The following HTR1E variants were observed in gnomAD, a reference collection of about 807,000 sequenced individuals.
HTR1E encodes the protein 5-HT-1E.
Under a neutral mutation model 3.4 loss-of-function variants are expected in HTR1E, and 3 were observed. That is an observed-to-expected ratio of 0.89 (90% CI 0.41 to 2.31). The LOEUF (loss-of-function observed/expected upper bound fraction) is 2.31. Ranked by LOEUF, HTR1E falls within the 30% of genes most tolerant of loss-of-function variation. HTR1E has a pLI of 0.05. For synonymous variants in HTR1E, 170 were observed against 182.8 expected (o/e 0.93, Z 0.56); for missense variants, 392 against 467.0 (o/e 0.84, Z 1.48).
intron 1 of HTR1E, among the ~76,000 whole-genome samples, chr6:86,974,628 T>C (rs900867864): frequency 1.3e-5 from 2 of 152,218 alleles, no homozygotes; most frequent in Non-Finnish European, 2.9e-5. Flanking sequence ...TTATGCTCAC[T>C]TTGATTGCTT....
At chr6:86,972,949 A>G (rs1767580618) in intron 1 of HTR1E, among the ~76,000 whole-genome samples, 1 of 152,228 alleles carries the variant, frequency 6.6e-6, no homozygotes. Context: ...TTAGGTAAAC[A>G]GCCCTCTTTA....
intron 1 of HTR1E, among the ~76,000 whole-genome samples, chr6:86,958,314 T>C (rs985902542): frequency 2.0e-5 from 3 of 152,118 alleles, no homozygotes; most frequent in Admixed American, 6.5e-5. Flanking sequence ...CACCTTGGCC[T>C]CAATAGAGGC....
rs545460430 is a variant in HTR1E, at chr6:87,016,088, C to G, written c.754C>G (p.Pro252Ala). ...TGTGTCTGACTTCTCCACCTCAGACCCTACCACAGAGTTTGAAAAGTTCCA... is the reference window on the plus strand; with the variant it reads ...TGTGTCTGACTTCTCCACCTCAGACGCTACCACAGAGTTTGAAAAGTTCCA... ...FCVSDFSTSD[P>A]TTEFEKFHAS... Residue 252 changes from proline (P) to alanine (A), a missense_variant, in exon 2 of 2, where the codon CCT becomes GCT. Physicochemically the swap from Pro to Ala is conservative, Grantham distance 27 (BLOSUM62 -1). Transcript: ENST00000305344. The G allele has an allele frequency of 1.5e-5, 25 of 1,613,988 alleles. No individual in the cohort carries two copies. Among genetic ancestry groups the G allele is most frequent in the African/African-American group, 2.7e-5 (2 of 74,904 alleles).
At chr6:87,012,656 A>C (rs1406726123) in intron 1 of HTR1E, among the ~76,000 whole-genome samples, 1 of 152,232 alleles carries the variant, frequency 6.6e-6, no homozygotes, top group Non-Finnish European at 1.5e-5. Context: ...TCCATTACCC[A>C]ATGCAAAAAT....
chr6:86,939,561 T>C (rs1238866137), intron 1 of HTR1E, among the ~76,000 whole-genome samples: 1 of 152,242 alleles, frequency 6.6e-6, no homozygotes, highest in East Asian at 1.9e-4. Flanking sequence ...GCCATGACTC[T>C]GGTCATTAGG....
intron 1 of HTR1E, among the ~76,000 whole-genome samples, chr6:86,976,378 TA>T (rs1273185713): frequency 3.3e-5 from 5 of 152,202 alleles, no homozygotes; most frequent in Admixed American, 6.5e-5. Context: ...AAAGCAGTGC[TA>T]CTGTCAAAAT....
intron 1 of HTR1E, among the ~76,000 whole-genome samples, chr6:87,001,265 G>A (rs371400371): frequency 2.6e-5 from 4 of 152,230 alleles, no homozygotes; most frequent in African/African-American, 9.6e-5. Flanking sequence ...AGACCAGAAA[G>A]CAACCCAAAA....
chr6:87,010,262 C>T lies in HTR1E; in HGVS notation c.-185-4888C>T, dbSNP rs1210762561. On this transcript the variant is annotated intron_variant, in intron 1 of 1. Transcript: ENST00000305344. ...CTCCTCACTTCTCAGTAGGGGCGGCCGGGCAGAGGTGCCCCTCACCTCCCG... is the reference window on the plus strand; with the variant it reads ...CTCCTCACTTCTCAGTAGGGGCGGCTGGGCAGAGGTGCCCCTCACCTCCCG... Among the ~76,000 whole-genome samples, 17 of 111,050 alleles carry T rather than the reference C, an allele frequency of 1.5e-4. 1 individual carries two copies. Among genetic ancestry groups the T allele is most frequent in the East Asian group, 3.5e-4 (1 of 2,818 alleles). 72.9% of individuals were successfully genotyped at this position (111,050 alleles called of 152,430 possible). A position where few individuals can be genotyped will look rare whatever the true frequency, so the allele number is the denominator to read the frequency against.
intron 1 of HTR1E, among the ~76,000 whole-genome samples, chr6:86,975,620 G>T (rs1434816909): frequency 6.6e-6 from 1 of 151,678 alleles, no homozygotes; most frequent in Non-Finnish European, 1.5e-5. Context: ...ACTCTACCAG[G>T]ATGCCCGTAC....
intron 1 of HTR1E, chr6:86,971,008 G>A: frequency 2.2e-6 from 1 of 452,612 alleles, no homozygotes; most frequent in Middle Eastern, 3.8e-4. Context: ...CATCTGCTTG[G>A]AGGATCTGAT....
intron 1 of HTR1E, among the ~76,000 whole-genome samples, chr6:86,951,780 A>G (rs575897179): frequency 2.0e-5 from 3 of 152,206 alleles, no homozygotes; most frequent in Non-Finnish European, 4.4e-5. Flanking sequence ...AAGCAGAAAA[A>G]TATTTTTGTT....
At chr6:86,948,199 C>G (rs574443324) in intron 1 of HTR1E, among the ~76,000 whole-genome samples, 4 of 152,260 alleles carry the variant, frequency 2.6e-5, no homozygotes, top group African/African-American at 7.2e-5. Context: ...CATGTCCCTG[C>G]AAAGGACATG....
chr6:86,960,929 T>A (rs1767398719), intron 1 of HTR1E, among the ~76,000 whole-genome samples: 1 of 152,106 alleles, frequency 6.6e-6, no homozygotes, highest in African/African-American at 2.4e-5. Context: ...AACCCATATT[T>A]AAAAAAAATT....
At chr6:86,973,321 T>C (rs1463177758) in intron 1 of HTR1E, among the ~76,000 whole-genome samples, 1 of 151,004 alleles carries the variant, frequency 6.6e-6, no homozygotes, top group Non-Finnish European at 1.5e-5. Context: ...TGTGTGTGTG[T>C]GTGTGTGTGT....
intron 1 of HTR1E, among the ~76,000 whole-genome samples, chr6:86,985,870 T>A (rs1304933743): frequency 6.6e-6 from 1 of 152,202 alleles, no homozygotes; most frequent in Non-Finnish European, 1.5e-5. Context: ...AAGGTGAAAT[T>A]TTTAAAGCAT....
At chr6:87,010,263 G>A (rs1228507363) in intron 1 of HTR1E, among the ~76,000 whole-genome samples, 2 of 117,942 alleles carry the variant, frequency 1.7e-5, no homozygotes, top group Non-Finnish European at 3.4e-5. Flanking sequence ...AGGGGCGGCC[G>A]GGCAGAGGTG....
chr6:87,002,722 G>T (rs917900637), intron 1 of HTR1E, among the ~76,000 whole-genome samples: 7 of 152,162 alleles, frequency 4.6e-5, no homozygotes, highest in African/African-American at 1.7e-4. Flanking sequence ...AGTGCTGATT[G>T]GTGGGTTTAT....
At chr6:86,995,688 G>GA (rs58476122) in intron 1 of HTR1E, among the ~76,000 whole-genome samples, 34 of 55,232 alleles carry the variant, frequency 6.2e-4, no homozygotes, top group African/African-American at 6.7e-4. Context: ...AAAAAAAAAA[G>GA]AAAAAAAAAA....
intron 1 of HTR1E, among the ~76,000 whole-genome samples, chr6:86,947,511 A>G (rs867696465): frequency 2.6e-4 from 40 of 152,064 alleles, no homozygotes; most frequent in African/African-American, 8.7e-4. Context: ...AAAATTTGGA[A>G]ATGCAGAAAA....
Sources: allele counts gnomAD v4.1 joint callset (sites outside exome capture counted in the v4.1 genomes callset), GRCh38; gene constraint gnomAD v4.1.1; transcripts MANE v1.5; gene names NCBI Gene and HGNC (gene_info 2026-07-23, HGNC 2026-07-21).